The following GATAD2B variants were observed in gnomAD, a reference collection of about 807,000 sequenced individuals.
The protein encoded by GATAD2B is GATA zinc finger domain containing 2B.
A neutral mutation model predicts 64.3 loss-of-function variants in GATAD2B; 8 were observed. That is an observed-to-expected ratio of 0.12 (90% CI 0.07 to 0.22). The LOEUF is 0.22. Ranked by LOEUF, GATAD2B falls within the 10% of genes least tolerant of loss-of-function variation. The probability of loss-of-function intolerance (pLI) is 1.00; values close to 1 mark genes in which losing one functional copy is unlikely to be tolerated. For synonymous variants in GATAD2B, 281 were observed against 271.3 expected, an observed-to-expected ratio of 1.04 and a Z score of -0.35; for missense variants, 453 against 752.0, an observed-to-expected ratio of 0.60 and a Z score of 4.65.
At chr1:153,842,514 TAA>T (rs1675532482) in intron 1 of GATAD2B, among the ~76,000 whole-genome samples, 3 of 150,680 alleles carry the variant, frequency 2.0e-5, no homozygotes, top group African/African-American at 7.3e-5. Context: ...AAATATTAAA[TAA>T]GTTTATTGCA....
chr1:153,914,385 G>A (rs2101971059), intron 1 of GATAD2B, among the ~76,000 whole-genome samples: 1 of 152,160 alleles, frequency 6.6e-6, no homozygotes, highest in South Asian at 2.1e-4. Context: ...AATAGATAAA[G>A]CAGTTACTGA....
chr1:153,870,442 G>A lies in GATAD2B; in HGVS notation c.-1-42094C>T, dbSNP rs921186892. ...TAAAAAATTAGCCGGACGTGGTGGC[G>A]GGCACCTATAGTCTCAGCTACTCAG... On this transcript the variant is annotated intron_variant, in intron 1 of 10. Transcript: ENST00000368655. Among the ~76,000 whole-genome samples the A allele has an allele frequency of 9.9e-5, 15 of 152,128 alleles. No homozygotes were observed. In the East Asian group the frequency reaches 1.9e-3, roughly 20 times the overall value.
intron 1 of GATAD2B, among the ~76,000 whole-genome samples, chr1:153,850,689 G>A (rs1023218281): frequency 7.2e-5 from 11 of 152,048 alleles, no homozygotes; most frequent in African/African-American, 1.7e-4. Flanking sequence ...GGAGGCCTAC[G>A]CAGGCGGATT....
chr1:153,890,247 T>TG (rs1400716495), intron 1 of GATAD2B, among the ~76,000 whole-genome samples: 1 of 150,620 alleles, frequency 6.6e-6, no homozygotes, highest in Non-Finnish European at 1.5e-5. Context: ...CCCAACACTA[T>TG]GGGAGGCCGA....
chr1:153,886,954 C>G (rs1256572688), intron 1 of GATAD2B, among the ~76,000 whole-genome samples: 1 of 152,036 alleles, frequency 6.6e-6, no homozygotes, highest in Non-Finnish European at 1.5e-5. Context: ...TCCAATAATA[C>G]AAGCCAAAAT....
chr1:153,862,108 A>T (rs905244324), intron 1 of GATAD2B, among the ~76,000 whole-genome samples: 1 of 146,812 alleles, frequency 6.8e-6, no homozygotes, highest in Non-Finnish European at 1.5e-5. Context: ...TATTTTACAT[A>T]CATTATATCC....
intron 1 of GATAD2B, among the ~76,000 whole-genome samples, chr1:153,888,086 CAA>C (rs962698525): frequency 1.2e-4 from 15 of 126,128 alleles, no homozygotes; most frequent in South Asian, 2.6e-4. Flanking sequence ...GGCTCTATCT[CAA>C]AAAAAAAAAA....
chr1:153,903,059 T>C (rs1436422190), intron 1 of GATAD2B, among the ~76,000 whole-genome samples: 1 of 151,638 alleles, frequency 6.6e-6, no homozygotes, highest in East Asian at 1.9e-4. Flanking sequence ...CTACTAAAAA[T>C]ACAAAAAAAT....
chr1:153,857,171 G>A (rs918567064), intron 1 of GATAD2B, among the ~76,000 whole-genome samples: 7 of 151,520 alleles, frequency 4.6e-5, no homozygotes, highest in Admixed American at 6.6e-5. Context: ...TTGGCCGGGC[G>A]CAGTGGCTCA....
At chr1:153,895,472 T>C (rs576701964) in intron 1 of GATAD2B, among the ~76,000 whole-genome samples, 2 of 151,624 alleles carry the variant, frequency 1.3e-5, no homozygotes, top group South Asian at 4.2e-4. Context: ...CCCAGTTACT[T>C]GGGAGGCTGA....
In GATAD2B at chr1:153,811,770, G is replaced by T. The variant is rs1160344858; in HGVS notation, c.1609C>A (p.Pro537Thr). ...RSMLSNFAQA[P>T]QLSVPGGLLG... ...AGGCCACCTGGCACAGACAACTGGG[G>T]TGCCTGTGCAAAGTTTGAAAGCATG... is the stretch of plus-strand genomic sequence containing the variant. The change falls in exon 10 of 11, where the codon CCC (proline) becomes ACC (threonine). Residue 537 changes from proline (P) to threonine (T), a missense_variant. Pro to Thr is a conservative substitution (Grantham distance 38). Around this residue, in one of 2 missense-constraint regions of GATAD2B, gnomAD observed 160 missense variants for 334.7 expected, o/e 0.48. Coordinates refer to ENST00000368655, the MANE Select transcript of GATAD2B (RefSeq NM_020699.4). 1.9e-6 allele frequency: 3 copies of T among 1,612,036 alleles called. No homozygotes were observed. Among genetic ancestry groups the T allele is most frequent in the African/African-American group, 1.3e-5 (1 of 74,932 alleles).
At chr1:153,893,539 G>A (rs1358420574) in intron 1 of GATAD2B, among the ~76,000 whole-genome samples, 2 of 151,946 alleles carry the variant, frequency 1.3e-5, no homozygotes, top group Non-Finnish European at 2.9e-5. Context: ...AGCTGCAGGA[G>A]GCAGAGGTTG....
chr1:153,853,422 T>C (rs1253752801), intron 1 of GATAD2B: 3 of 639,918 alleles, frequency 4.7e-6, no homozygotes, highest in Non-Finnish European at 8.5e-6. Context: ...TTTTTCTTCC[T>C]GGAGAAATAA....
chr1:153,918,932 C>A lies in GATAD2B; in HGVS notation c.-2+3801G>T, dbSNP rs532030730. ...CACCACTGCACTCCAGCCTGGGCAA[C>A]AAGAGCAAAACTCCATCTCAAAAAA... On this transcript the variant is annotated intron_variant, in intron 1 of 10. Transcript: ENST00000368655. 2.0e-5 allele frequency among the ~76,000 whole-genome samples: 3 copies of A among 151,838 alleles called. No individual in the cohort carries two copies. In the East Asian group the frequency reaches 5.8e-4, roughly 29 times the overall value.
intron 10 of GATAD2B, among the ~76,000 whole-genome samples, chr1:153,811,183 G>T (rs982912312): frequency 1.3e-5 from 2 of 152,124 alleles, no homozygotes; most frequent in African/African-American, 4.8e-5. Flanking sequence ...TTACAGGTGT[G>T]AGCCACCGCG....
intron 1 of GATAD2B, among the ~76,000 whole-genome samples, chr1:153,914,993 G>T (rs919507843): frequency 1.3e-5 from 2 of 151,886 alleles, no homozygotes; most frequent in Admixed American, 1.3e-4. Flanking sequence ...GGAGGCCAAA[G>T]CAGATGGATA....
At chr1:153,815,293 C>CAAAAAAAAAAAAAAAAAA (rs71093285) in intron 7 of GATAD2B, among the ~76,000 whole-genome samples, 3 of 111,846 alleles carry the variant, frequency 2.7e-5, no homozygotes, top group African/African-American at 6.8e-5. Context: ...AAAAAAAAAA[C>CAAAAAAAAAAAAAAAAAA]AAAAAAAAAA....
intron 1 of GATAD2B, among the ~76,000 whole-genome samples, chr1:153,897,575 G>A (rs1172794844): frequency 6.6e-6 from 1 of 152,152 alleles, no homozygotes; most frequent in Non-Finnish European, 1.5e-5. Context: ...TAACTGATAA[G>A]AGACTAAGTA....
intron 1 of GATAD2B, among the ~76,000 whole-genome samples, chr1:153,844,429 A>G (rs1675612419): frequency 6.6e-6 from 1 of 151,872 alleles, no homozygotes; most frequent in Non-Finnish European, 1.5e-5. Flanking sequence ...TATAAAAAAA[A>G]AAAAAAAAAG....
Sources: gnomAD v4.1 joint callset for allele counts (sites outside exome capture counted in the v4.1 genomes callset) on GRCh38, gnomAD v4.1.1 for gene constraint, gnomAD v4.1.1 regional missense constraint, MANE v1.5 for transcripts, NCBI Gene and HGNC (gene_info 2026-07-23, HGNC 2026-07-21) for gene names.